The following HS6ST3 variants were observed in gnomAD, a reference collection of about 807,000 sequenced individuals.
HS6ST3 encodes the protein heparan-sulfate 6-O-sulfotransferase 3.
A neutral mutation model predicts 36.7 loss-of-function variants in HS6ST3; 12 were observed. The ratio of observed to expected loss-of-function variants is 0.33; its 90% CI spans 0.21 to 0.53. The LOEUF is 0.53. Among genes scored for constraint, HS6ST3 ranks in the 20% least tolerant of loss-of-function variants. HS6ST3 has a pLI of 0.95. For missense variants in HS6ST3, 584 were observed against 640.9 expected (o/e 0.91, Z 0.96); for synonymous variants, 240 against 257.5 (o/e 0.93, Z 0.65).
intron 1 of HS6ST3, among the ~76,000 whole-genome samples, chr13:96,227,728 T>A (rs1008049883): frequency 1.3e-5 from 2 of 152,186 alleles, no homozygotes; most frequent in African/African-American, 4.8e-5. Flanking sequence ...ACAAAGCTCT[T>A]TTATGTCTTC....
chr13:96,339,183 C>G (rs950953897), intron 1 of HS6ST3, among the ~76,000 whole-genome samples: 1 of 152,014 alleles, frequency 6.6e-6, no homozygotes, highest in Non-Finnish European at 1.5e-5. Flanking sequence ...ACAAAAACAA[C>G]AAAACAACAA....
rs187527463 is a variant in HS6ST3, at chr13:96,551,029, C to A, written c.708-281461C>A. On this transcript the variant is annotated intron_variant, in intron 1 of 1. Transcript: ENST00000376705. ...GGTAGAATTTAACCTTTAACTCTGT[C>A]CCAATCTGTCATGTAAACAACCTAA... Among the ~76,000 whole-genome samples the A allele has an allele frequency of 3.9e-4, 59 of 152,240 alleles. 1 individual carries two copies. In the East Asian group the frequency reaches 0.01, roughly 26 times the overall value.
intron 1 of HS6ST3, among the ~76,000 whole-genome samples, chr13:96,697,366 T>G (rs1875157241): frequency 6.6e-6 from 1 of 151,928 alleles, no homozygotes; most frequent in Non-Finnish European, 1.5e-5. Context: ...GACCAATCCA[T>G]GTACTCTAAC....
chr13:96,604,079 G>T (rs116279713), intron 1 of HS6ST3, among the ~76,000 whole-genome samples: 6 of 152,168 alleles, frequency 3.9e-5, no homozygotes, highest in Non-Finnish European at 8.8e-5. Context: ...TATGGTAAGA[G>T]CTGTGCATTT....
intron 1 of HS6ST3, among the ~76,000 whole-genome samples, chr13:96,330,987 C>G (rs2139420555): frequency 1.3e-5 from 2 of 152,194 alleles, no homozygotes; most frequent in East Asian, 3.9e-4. Flanking sequence ...GCTCCTGAGG[C>G]TTCTGCATTC....
At chr13:96,808,719 G>T (rs9516760) in intron 1 of HS6ST3, among the ~76,000 whole-genome samples, 11,447 of 152,180 alleles carry the variant, frequency 0.075, 469 homozygotes, top group Middle Eastern at 0.15. Flanking sequence ...AAATTCTTTG[G>T]AAAGCATAAT....
At chr13:96,182,675 A>G (rs1387454741) in intron 1 of HS6ST3, among the ~76,000 whole-genome samples, 3 of 152,256 alleles carry the variant, frequency 2.0e-5, no homozygotes, top group Non-Finnish European at 4.4e-5. Flanking sequence ...AATTGGCAGC[A>G]GACATAGCAT....
chr13:96,327,829 A>G (rs1180137130), intron 1 of HS6ST3, among the ~76,000 whole-genome samples: 32 of 151,302 alleles, frequency 2.1e-4, no homozygotes, highest in African/African-American at 7.5e-4. Flanking sequence ...ATGTCCTTCC[A>G]TTTGTTTGTA....
chr13:96,518,626 T>C (rs1170135111), intron 1 of HS6ST3, among the ~76,000 whole-genome samples: 4 of 152,310 alleles, frequency 2.6e-5, no homozygotes, highest in East Asian at 1.9e-4. Flanking sequence ...TCAAGTATTA[T>C]GTACTATACA....
At chr13:96,308,771 A>G (rs1024821531) in intron 1 of HS6ST3, among the ~76,000 whole-genome samples, 4 of 152,144 alleles carry the variant, frequency 2.6e-5, no homozygotes, top group South Asian at 2.1e-4. Context: ...CTTCATAAAT[A>G]TGCATTCTAT....
chr13:96,802,620 G>C (rs185684621), intron 1 of HS6ST3, among the ~76,000 whole-genome samples: 37 of 152,254 alleles, frequency 2.4e-4, no homozygotes, highest in Admixed American at 1.2e-3. Context: ...GAGATGCTCA[G>C]GGATTAAGCA....
chr13:96,238,531 T>G (rs2054545703), intron 1 of HS6ST3, among the ~76,000 whole-genome samples: 1 of 152,246 alleles, frequency 6.6e-6, no homozygotes, highest in Non-Finnish European at 1.5e-5. Flanking sequence ...TTAGATTAAA[T>G]GCAGTTAATT....
At chr13:96,196,601 A>ATGAC (rs140308742) in intron 1 of HS6ST3, among the ~76,000 whole-genome samples, 3,471 of 152,276 alleles carry the variant, frequency 0.023, 61 homozygotes, top group Middle Eastern at 0.034. Context: ...CATGCTGATG[A>ATGAC]TGACTGTGAC....
chr13:96,573,787 ACAG>A, intron 1 of HS6ST3: 8 of 361,448 alleles, frequency 2.2e-5, no homozygotes, highest in South Asian at 2.3e-5. Context: ...CAGCATGTAG[ACAG>A]CAGCAGCAGA....
intron 1 of HS6ST3, among the ~76,000 whole-genome samples, chr13:96,569,471 C>T (rs1361071686): frequency 1.3e-5 from 2 of 152,140 alleles, no homozygotes; most frequent in African/African-American, 4.8e-5. Context: ...GCCCTCAGCC[C>T]ATGCATTCTG....
At chr13:96,405,788 G>A (rs1047479254) in intron 1 of HS6ST3, among the ~76,000 whole-genome samples, 7 of 152,168 alleles carry the variant, frequency 4.6e-5, no homozygotes. Flanking sequence ...AGTAGATTTC[G>A]GAGGATTGTT....
At chr13:96,136,702 T>A (rs1365975719) in intron 1 of HS6ST3, among the ~76,000 whole-genome samples, 1 of 139,082 alleles carries the variant, frequency 7.2e-6, no homozygotes, top group Non-Finnish European at 1.5e-5. Flanking sequence ...TATATATATA[T>A]ATATATATAT....
chr13:96,754,264 A>AT (rs1427137649), intron 1 of HS6ST3, among the ~76,000 whole-genome samples: 2 of 152,046 alleles, frequency 1.3e-5, no homozygotes, highest in Admixed American at 1.3e-4. Flanking sequence ...AAGATTTATT[A>AT]TTTTTTCTCC....
rs1932498 is a variant in HS6ST3 at position 96,751,287 on chromosome 13, A to C, written c.708-81203A>C. On this transcript the variant is annotated intron_variant, in intron 1 of 1. Transcript: ENST00000376705. ...TCCAGACTATCTGGATGAGCCCTGT[A>C]AATCCAATTTTGTCATTATAGGATA... Among the ~76,000 whole-genome samples, 1,493 of 152,272 alleles carry C rather than the reference A, an allele frequency of 9.8e-3. 24 individuals are homozygous for C. The highest frequency in any genetic ancestry group is 0.034 in the African/African-American group (1,430 of 41,566).
Sources: gnomAD v4.1 joint callset for allele counts (sites outside exome capture counted in the v4.1 genomes callset) on GRCh38, gnomAD v4.1.1 for gene constraint, MANE v1.5 for transcripts, NCBI Gene and HGNC (gene_info 2026-07-23, HGNC 2026-07-21) for gene names.